Variants in MIPEP observed in about 807,000 individuals in gnomAD.
MIPEP encodes the protein mitochondrial intermediate peptidase.
A neutral mutation model predicts 90.3 loss-of-function variants in MIPEP; 79 were observed. The ratio of observed to expected loss-of-function variants is 0.87; its 90% CI spans 0.73 to 1.05. MIPEP has a LOEUF of 1.05. Among genes scored for constraint, MIPEP ranks in the 50% least tolerant of loss-of-function variants. The pLI, the probability that MIPEP is intolerant of heterozygous loss-of-function variation, is 0.00. For missense variants in MIPEP, 940 were observed against 905.6 expected (o/e 1.04, Z -0.49); for synonymous variants, 334 against 315.8 (o/e 1.06, Z -0.61).
chr13:23,816,480 A>C (rs535682951), intron 14 of MIPEP, among the ~76,000 whole-genome samples: 20 of 152,208 alleles, frequency 1.3e-4, no homozygotes, highest in Non-Finnish European at 2.6e-4. Flanking sequence ...GGAATTCTTC[A>C]TATGTGATAT....
At chr13:23,836,420 T>C in intron 13 of MIPEP, 71 bp from the exon 14 acceptor site, 1 of 788,022 alleles carries the variant, frequency 1.3e-6, no homozygotes, top group Non-Finnish European at 1.9e-6. Flanking sequence ...GTGTGCCCTT[T>C]AAAACTTTTA....
At chr13:23,873,376 TCA>T (rs953216283) in intron 5 of MIPEP, among the ~76,000 whole-genome samples, 2 of 152,182 alleles carry the variant, frequency 1.3e-5, no homozygotes, top group African/African-American at 4.8e-5. Flanking sequence ...AATCCAGTGT[TCA>T]CAGACGGGGA....
At chr13:23,790,258 C>T (rs1008271413) in intron 16 of MIPEP, among the ~76,000 whole-genome samples, 4 of 152,146 alleles carry the variant, frequency 2.6e-5, no homozygotes, top group African/African-American at 9.7e-5. Context: ...CAGAAGCGTC[C>T]GTCCTTCTCA....
chr13:23,789,535 C>A lies in MIPEP; in HGVS notation c.1848+16415G>T, dbSNP rs139250448. Among the ~76,000 whole-genome samples, 583 of 152,270 alleles carry A rather than the reference C, an allele frequency of 3.8e-3. 7 individuals are homozygous for A. The highest frequency in any genetic ancestry group is 0.013 in the African/African-American group (526 of 41,562). On this transcript the variant is annotated intron_variant, in intron 16 of 18. Transcript: ENST00000382172. Reference sequence around the variant, plus strand: ...GCCTTAGTCCTCAGTCTATTCTGGCCCCATAGCATTACTCCAAAGTTTGGA... The same window carrying A: ...GCCTTAGTCCTCAGTCTATTCTGGCACCATAGCATTACTCCAAAGTTTGGA...
In MIPEP at chr13:23,881,798, G is replaced by C. The variant is rs372296010; in HGVS notation, c.364-11C>G. The C allele has an allele frequency of 4.0e-4, 643 of 1,606,914 alleles. 1 individual carries two copies. The highest frequency in any genetic ancestry group is 5.2e-4 in the Non-Finnish European group (615 of 1,174,498). On this transcript the variant is annotated splice_polypyrimidine_tract_variant and intron_variant, in intron 2 of 18. Coordinates refer to ENST00000382172, the MANE Select transcript of MIPEP (RefSeq NM_005932.4). ...TTTCACAAAATCAGCCTAATAAAGG[G>C]GAAAGACAAAACCAAAAGGGAATTT... is the stretch of plus-strand genomic sequence containing the variant.
At chr13:23,781,491 T>G (rs1214537722) in intron 16 of MIPEP, among the ~76,000 whole-genome samples, 2 of 152,174 alleles carry the variant, frequency 1.3e-5, no homozygotes, top group African/African-American at 4.8e-5. Context: ...TACCAGCCAC[T>G]GCAAAAACAT....
chr13:23,879,912 G>A (rs996382801), intron 3 of MIPEP, among the ~76,000 whole-genome samples: 10 of 152,096 alleles, frequency 6.6e-5, no homozygotes, highest in Admixed American at 1.3e-4. Context: ...GTGCCATCCA[G>A]AGAGCAAAGG....
intron 16 of MIPEP, among the ~76,000 whole-genome samples, chr13:23,801,691 C>A (rs957080950): frequency 6.6e-6 from 1 of 152,092 alleles, no homozygotes; most frequent in African/African-American, 2.4e-5. Flanking sequence ...TATAAATGTA[C>A]TAGTTTGATT....
At chr13:23,813,791 T>C (rs891071635) in intron 14 of MIPEP, among the ~76,000 whole-genome samples, 3 of 152,150 alleles carry the variant, frequency 2.0e-5, no homozygotes, top group Non-Finnish European at 2.9e-5. Flanking sequence ...CTGCTGTTGG[T>C]TGAATCCACA....
At chr13:23,886,804 G>A (rs1429186149) in intron 1 of MIPEP, among the ~76,000 whole-genome samples, 3 of 151,190 alleles carry the variant, frequency 2.0e-5, no homozygotes, top group Non-Finnish European at 4.4e-5. Flanking sequence ...AAGAGTGGCC[G>A]CAAAGATTAA....
chr13:23,830,384 A>G (rs773717351), intron 14 of MIPEP, among the ~76,000 whole-genome samples: 54 of 152,202 alleles, frequency 3.5e-4, no homozygotes, highest in Non-Finnish European at 6.9e-4. Context: ...AGGAATAAAT[A>G]ATGTGGCCAA....
At chr13:23,885,318 G>A (rs936316377) in intron 2 of MIPEP, among the ~76,000 whole-genome samples, 9 of 152,168 alleles carry the variant, frequency 5.9e-5, no homozygotes, top group Non-Finnish European at 1.2e-4. Flanking sequence ...GTGGCATGGG[G>A]GAGGTGGGGA....
At chr13:23,840,467 C>T (rs1424869123) in intron 11 of MIPEP, among the ~76,000 whole-genome samples, 3 of 152,144 alleles carry the variant, frequency 2.0e-5, no homozygotes, top group African/African-American at 4.8e-5. Context: ...CTTCATCACC[C>T]GCATTTTGTC....
intron 16 of MIPEP, among the ~76,000 whole-genome samples, chr13:23,782,009 G>A (rs1178997405): frequency 2.6e-5 from 4 of 152,132 alleles, no homozygotes; most frequent in Non-Finnish European, 2.9e-5. Flanking sequence ...AATAATGGGA[G>A]ACTTTAACAC....
chr13:23,879,921 G>T (rs1440072443), intron 3 of MIPEP, among the ~76,000 whole-genome samples: 3 of 152,100 alleles, frequency 2.0e-5, no homozygotes, highest in African/African-American at 7.2e-5. Flanking sequence ...AGAGAGCAAA[G>T]GGCCCAATGC....
At chr13:23,739,734 C>T (rs7983569) in intron 18 of MIPEP, among the ~76,000 whole-genome samples, 33,836 of 152,138 alleles carry the variant, frequency 0.22, 4,158 homozygotes, top group African/African-American at 0.33. Flanking sequence ...TCCCTGTGCA[C>T]GGCAGCAAGC....
At chr13:23,867,108 A>G (rs1258614321) in intron 7 of MIPEP, among the ~76,000 whole-genome samples, 1 of 152,138 alleles carries the variant, frequency 6.6e-6, no homozygotes, top group Non-Finnish European at 1.5e-5. Flanking sequence ...CAGGAACAGC[A>G]GCACTGACTC....
At chr13:23,792,781 C>G (rs1019379922) in intron 16 of MIPEP, among the ~76,000 whole-genome samples, 5 of 152,154 alleles carry the variant, frequency 3.3e-5, no homozygotes, top group African/African-American at 7.2e-5. Context: ...TGTTTGAAAC[C>G]CTCCTATTTC....
At chr13:23,875,833 A>T (rs1253976819) in intron 4 of MIPEP, among the ~76,000 whole-genome samples, 1 of 152,114 alleles carries the variant, frequency 6.6e-6, no homozygotes, top group African/African-American at 2.4e-5. Context: ...TCTACTTTTA[A>T]TGTTATATTA....
Sources: gnomAD v4.1 joint callset for allele counts (sites outside exome capture counted in the v4.1 genomes callset) on GRCh38, gnomAD v4.1.1 for gene constraint, MANE v1.5 for transcripts, NCBI Gene and HGNC (gene_info 2026-07-23, HGNC 2026-07-21) for gene names.